PLA2G15: variants seen among roughly 807,000 people sequenced by gnomAD.
PLA2G15 encodes the protein phospholipase A2 group XV.
In PLA2G15, 20 loss-of-function variants were observed where a neutral mutation model predicts 40.9. The observed-to-expected ratio is 0.49, with a 90% confidence interval of 0.34 to 0.71. PLA2G15 has a LOEUF of 0.71. PLA2G15 is among the 30% of genes least tolerant of loss of function. The pLI is 0.01. For synonymous variants in PLA2G15, 223 were observed against 228.2 expected, an observed-to-expected ratio of 0.98 and a Z score of 0.21; for missense variants, 471 against 541.9, an observed-to-expected ratio of 0.87 and a Z score of 1.30.
At position 68,260,299 on chromosome 16, in the gene PLA2G15, A is replaced by G. The variant is rs1321332770; in HGVS notation, c.*642A>G. On this transcript the variant is annotated 3_prime_UTR_variant, in exon 6 of 6. Transcript: ENST00000219345. ...CCCTGGGACATCTCACTCCACTCCTACCTCCCTTACCACCAGGAGCATTCA... is the reference window on the plus strand; with the variant it reads ...CCCTGGGACATCTCACTCCACTCCTGCCTCCCTTACCACCAGGAGCATTCA... 1 of 152,300 alleles carries G rather than the reference A, an allele frequency of 6.6e-6. No individual in the cohort carries two copies. The highest frequency in any genetic ancestry group is 1.5e-5 in the Non-Finnish European group (1 of 68,260). 9.4% of individuals were successfully genotyped at this position (152,300 alleles called of 1,614,324 possible).
At chr16:68,258,782 CAA>C (rs878922848) in intron 5 of PLA2G15, 3,008 of 166,764 alleles carry the variant, frequency 0.018, no homozygotes, top group South Asian at 0.045. Flanking sequence ...GACCCTACTT[CAA>C]AAAAAAAAAA....
chr16:68,259,384 G>A lies in PLA2G15; in HGVS notation c.966G>A (p.Met322Ile), dbSNP rs1277700295. Residue 322 changes from methionine to isoleucine, a missense_variant, in exon 6 of 6, where the codon ATG becomes ATA. Transcript: ENST00000219345. The surrounding 1 kb of genome is among the most constrained non-coding windows in gnomAD (Gnocchi z 6.5). ...QDTEGLVEAT[M>I]PPGVQLHCLY... ...CAGAAGGGCTGGTGGAAGCCACGATGCCACCTGGCGTGCAGCTGCACTGCC... is the reference window on the plus strand; with the variant it reads ...CAGAAGGGCTGGTGGAAGCCACGATACCACCTGGCGTGCAGCTGCACTGCC... 1 of 1,614,036 alleles carries A rather than the reference G, an allele frequency of 6.2e-7. No homozygotes were observed. The highest frequency in any genetic ancestry group is 1.1e-5 in the South Asian group (1 of 91,092).
At chr16:68,245,658 TA>T in intron 1 of PLA2G15, 105 bp downstream of exon 1, 2 of 1,258,278 alleles carry the variant, frequency 1.6e-6, no homozygotes, top group Non-Finnish European at 2.2e-6. Flanking sequence ...TGGGGGAGCG[TA>T]TTGGTATCTG....
chr16:68,246,554 C>G (rs1306614177), intron 1 of PLA2G15, among the ~76,000 whole-genome samples: 1 of 152,190 alleles, frequency 6.6e-6, no homozygotes, highest in Non-Finnish European at 1.5e-5. Context: ...CAGGCCCCAC[C>G]AGGAGTTCCC....
At chr16:68,257,407 C>G (rs1383891934) in intron 5 of PLA2G15, among the ~76,000 whole-genome samples, 2 of 152,222 alleles carry the variant, frequency 1.3e-5, no homozygotes, top group African/African-American at 4.8e-5. Context: ...AGGGAGGAAG[C>G]AGGTGCAGAT....
At chr16:68,258,097 C>T (rs1298961561) in intron 5 of PLA2G15, among the ~76,000 whole-genome samples, 1 of 152,174 alleles carries the variant, frequency 6.6e-6, no homozygotes, top group East Asian at 1.9e-4. Context: ...GCCCCTGTTC[C>T]CAAGTTGCAG....
In PLA2G15 at chr16:68,257,749, AC is replaced by A. The variant is rs1330339745; in HGVS notation, c.728-1395del. Among the ~76,000 whole-genome samples, 5 of 152,282 alleles carry A rather than the reference AC, an allele frequency of 3.3e-5. 1 individual carries two copies. In the South Asian group the frequency reaches 1.0e-3, roughly 32 times the overall value. ...GATTTAGTGAGGACTCATTATAGCC[AC>A]CACTTCGGTCTAGCCTGGGCCTGGA... On this transcript the variant is annotated intron_variant, in intron 5 of 5. Coordinates refer to ENST00000219345, the MANE Select transcript of PLA2G15 (RefSeq NM_012320.4).
At chr16:68,251,177 A>G (rs538993617) in intron 2 of PLA2G15, among the ~76,000 whole-genome samples, 3 of 152,154 alleles carry the variant, frequency 2.0e-5, no homozygotes, top group South Asian at 4.2e-4. Flanking sequence ...TGGAGGCTCA[A>G]TGAGGTTACA....
intron 2 of PLA2G15, among the ~76,000 whole-genome samples, chr16:68,251,451 G>T (rs2042354246): frequency 6.6e-6 from 1 of 152,126 alleles, no homozygotes; most frequent in Non-Finnish European, 1.5e-5. Flanking sequence ...GGAGGCTGAG[G>T]TGGACAGATC....
Position 68,255,634 on chromosome 16 carries a change from G to T in PLA2G15, c.503-132G>T. The T allele has an allele frequency of 4.0e-6, 3 of 742,426 alleles. No individual in the cohort carries two copies. The highest frequency in any genetic ancestry group is 6.9e-6 in the Non-Finnish European group (3 of 436,860). 46.0% of individuals were successfully genotyped at this position (742,426 alleles called of 1,614,324 possible). ...TTCCTCCCTTCATGGAAGGCGGGGG[G>T]ACCCAGACCGCTCTGTTTGAATGTG... On this transcript the variant is annotated intron_variant, in intron 4 of 5. Transcript: ENST00000219345. This position sits in a 1 kb window ranked among gnomAD's most constrained non-coding sequence, Gnocchi z 5.9.
At chr16:68,252,444 G>C in intron 2 of PLA2G15, 1 of 408,430 alleles carries the variant, frequency 2.4e-6, no homozygotes, top group Non-Finnish European at 5.0e-6. Context: ...GAGGCACAAG[G>C]CTTTTCTCCT....
intron 5 of PLA2G15, among the ~76,000 whole-genome samples, chr16:68,257,677 G>T (rs1181801466): frequency 6.6e-6 from 1 of 152,202 alleles, no homozygotes; most frequent in African/African-American, 2.4e-5. Context: ...TACTGGCATT[G>T]TGATTGGGTC....
chr16:68,249,384 A>G lies in PLA2G15; in HGVS notation c.222A>G (p.Thr74=). The G allele has an allele frequency of 6.2e-7, 1 of 1,614,102 alleles. No individual in the cohort carries two copies. Among genetic ancestry groups the G allele is most frequent in the Non-Finnish European group, 8.5e-7 (1 of 1,180,014 alleles). Residue 74 remains threonine, a synonymous_variant, in exon 2 of 6, where the codon ACA becomes ACG. Coordinates refer to ENST00000219345, the MANE Select transcript of PLA2G15 (RefSeq NM_012320.4). ...LCSKKTESYF[T]IWLNLELLLP... The stretch of plus-strand genomic sequence containing the variant: ...CCAAGAAGACCGAAAGCTACTTCAC[A>G]ATCTGGCTGAACCTGGAACTGCTGC...
At chr16:68,250,174 CTTTTTT>C (rs1175749953) in intron 2 of PLA2G15, 35 of 134,176 alleles carry the variant, frequency 2.6e-4, no homozygotes, top group South Asian at 8.8e-4. Context: ...CTTCCATTCA[CTTTTTT>C]TTTTTTTTTT....
intron 2 of PLA2G15, 130 bp from the exon 3 acceptor site, chr16:68,254,789 C>T (rs891797110): frequency 6.0e-6 from 4 of 666,086 alleles, no homozygotes; most frequent in African/African-American, 1.8e-5. Flanking sequence ...TGTTACTTTT[C>T]GGTCTCTCCT....
At chr16:68,253,686 G>GTTTTTTTTT (rs1274710560) in intron 2 of PLA2G15, among the ~76,000 whole-genome samples, 3 of 115,922 alleles carry the variant, frequency 2.6e-5, no homozygotes, top group Admixed American at 8.7e-5. Flanking sequence ...AGTGTGTTTT[G>GTTTTTTTTT]TTTTGTTTTT....
chr16:68,249,041 C>T (rs978575039), intron 1 of PLA2G15, among the ~76,000 whole-genome samples: 5 of 152,228 alleles, frequency 3.3e-5, no homozygotes, highest in African/African-American at 1.2e-4. Context: ...CCAAGCCCCC[C>T]ACAGGCATCT....
At chr16:68,249,650 C>G (rs749961591) in intron 2 of PLA2G15, among the ~76,000 whole-genome samples, 1 of 152,184 alleles carries the variant, frequency 6.6e-6, no homozygotes, top group Non-Finnish European at 1.5e-5. Context: ...CCTTGTTCCT[C>G]TACTCTCCAG....
intron 2 of PLA2G15, 111 bp downstream of exon 2, chr16:68,249,557 C>G (rs1596943193): frequency 7.8e-6 from 8 of 1,024,116 alleles, no homozygotes; most frequent in East Asian, 7.2e-5. Context: ...CTCTCCTTCC[C>G]CAGGTCCTCG....
Sources: allele counts gnomAD v4.1 joint callset (sites outside exome capture counted in the v4.1 genomes callset), GRCh38; gene constraint gnomAD v4.1.1; non-coding constraint Gnocchi (gnomAD v3.1); transcripts MANE v1.5; gene names NCBI Gene and HGNC (gene_info 2026-07-23, HGNC 2026-07-21).